The following ABAT variants were observed in gnomAD, a reference collection of about 807,000 sequenced individuals.
ABAT encodes the protein 4-aminobutyrate aminotransferase, mitochondrial.
A neutral mutation model predicts 64.6 loss-of-function variants in ABAT; 45 were observed. The observed-to-expected ratio is 0.70, with a 90% confidence interval of 0.55 to 0.89. The LOEUF (loss-of-function observed/expected upper bound fraction) is 0.89. Among genes scored for constraint, ABAT ranks in the 40% least tolerant of loss-of-function variants. The pLI is 0.00. For synonymous variants in ABAT, 297 were observed against 250.5 expected, an observed-to-expected ratio of 1.19 and a Z score of -1.75; for missense variants, 633 against 658.4, an observed-to-expected ratio of 0.96 and a Z score of 0.42.
chr16:8,774,938 AC>A lies in ABAT; in HGVS notation c.1004del (p.Thr335ArgfsTer18), dbSNP rs773324882. 1 of 1,614,154 alleles carries A rather than the reference AC, an allele frequency of 6.2e-7. No homozygotes were observed. The highest frequency in any genetic ancestry group is 8.5e-7 in the Non-Finnish European group (1 of 1,180,026). ...CGAGGTCCAGACCGGAGGAGGCTGC[AC>A]GGGCAAGTTCTGGGCCCATGAGCAC... ...VDEVQTGGGC[T>X]GKFWAHEHWG... On this transcript the variant is annotated frameshift_variant, in exon 13 of 16. Transcript: ENST00000268251. LOFTEE classifies it high-confidence loss of function.
intron 15 of ABAT, 111 bp downstream of exon 15, chr16:8,779,701 C>T: frequency 3.6e-6 from 3 of 833,784 alleles, no homozygotes; most frequent in Non-Finnish European, 4.0e-6. Context: ...GCAGGTGGTA[C>T]ACAGGTCTGA....
intron 1 of ABAT, among the ~76,000 whole-genome samples, chr16:8,722,424 C>T (rs532515111): frequency 1.3e-5 from 2 of 152,172 alleles, no homozygotes; most frequent in Non-Finnish European, 2.9e-5. Context: ...GGATTACAGG[C>T]ATGAGCCACC....
intron 1 of ABAT, among the ~76,000 whole-genome samples, chr16:8,708,688 A>T (rs1393135504): frequency 2.0e-5 from 3 of 152,252 alleles, no homozygotes; most frequent in African/African-American, 7.2e-5. Flanking sequence ...CATGTAATAA[A>T]TATTCAGCAT....
rs2059996604 is a variant in ABAT at position 8,768,060 on chromosome 16, T to C, written c.604-133T>C. The stretch of plus-strand genomic sequence containing the variant: ...TTGGATATAGACCCCATTGGTCCCA[T>C]GGGTAACTTTTGCCTGAGAAGGATT... On this transcript the variant is annotated intron_variant, in intron 9 of 15. Transcript: ENST00000268251. 4 of 908,962 alleles carry C rather than the reference T, an allele frequency of 4.4e-6. No homozygotes were observed. In the Admixed American group the frequency reaches 5.8e-5, roughly 13 times the overall value. 56.3% of individuals were successfully genotyped at this position (908,962 alleles called of 1,614,324 possible).
intron 1 of ABAT, among the ~76,000 whole-genome samples, chr16:8,687,239 G>T (rs1400582690): frequency 6.6e-6 from 1 of 152,294 alleles, no homozygotes; most frequent in Middle Eastern, 3.4e-3. Flanking sequence ...CCGCTCTTCC[G>T]GGTTCTTCAG....
Position 8,764,949 on chromosome 16 carries a change from G to C in ABAT, c.540+119G>C, listed in dbSNP as rs915334309. On this transcript the variant is annotated intron_variant, in intron 8 of 15. Transcript: ENST00000268251. The surrounding 1 kb of genome is among the most constrained non-coding windows in gnomAD (Gnocchi z 4.2). Reference sequence around the variant, plus strand: ...TGGAGTATTAGACATCAGTACCAGGGTTAAAATACAGGGAGGGCCACTGCT... The same window carrying C: ...TGGAGTATTAGACATCAGTACCAGGCTTAAAATACAGGGAGGGCCACTGCT... The C allele has an allele frequency of 1.0e-6, 1 of 960,462 alleles. No individual in the cohort carries two copies. The highest frequency in any genetic ancestry group is 1.6e-5 in the African/African-American group (1 of 61,968). The allele number at this position is 960,462 out of a possible 1,614,324, so 59.5% of individuals were successfully genotyped here. A position where few individuals can be genotyped will look rare whatever the true frequency, so the allele number is the denominator to read the frequency against.
chr16:8,678,532 C>T (rs2057257285), intron 1 of ABAT, among the ~76,000 whole-genome samples: 2 of 152,226 alleles, frequency 1.3e-5, no homozygotes, highest in African/African-American at 4.8e-5. Flanking sequence ...ATCAGAGAAA[C>T]ATCCATGCCA....
At chr16:8,721,277 T>C (rs1031772986) in intron 1 of ABAT, among the ~76,000 whole-genome samples, 1 of 152,186 alleles carries the variant, frequency 6.6e-6, no homozygotes. Context: ...TTTTTCTCCC[T>C]GTATCCATGG....
In ABAT at chr16:8,764,118, T is replaced by A; in HGVS notation, c.416T>A (p.Phe139Tyr). 6.2e-7 allele frequency: 1 copy of A among 1,613,400 alleles called. No individual in the cohort carries two copies. The highest frequency in any genetic ancestry group is 8.5e-7 in the Non-Finnish European group (1 of 1,179,958). ...CTCGGAATCCTGCCTCCGGAGAACT[T>A]TGTGGAGAAGCTCCGGCAGTCCTTG... is the stretch of plus-strand genomic sequence containing the variant. ...PALGILPPEN[F>Y]VEKLRQSLLS... The change falls in exon 7 of 16, where the codon TTT (phenylalanine) becomes TAT (tyrosine). Residue 139 changes from phenylalanine (F) to tyrosine (Y), a missense_variant. Coordinates refer to ENST00000268251, the MANE Select transcript of ABAT (RefSeq NM_020686.6). This position sits in a 1 kb window ranked among gnomAD's most constrained non-coding sequence, Gnocchi z 4.2.
intron 1 of ABAT, among the ~76,000 whole-genome samples, chr16:8,733,732 A>G (rs932883680): frequency 2.6e-5 from 4 of 151,696 alleles, no homozygotes; most frequent in African/African-American, 9.8e-5. Context: ...GAGGCAGGAG[A>G]ATCAGGCAGG....
At chr16:8,707,740 T>C (rs1485117673) in intron 1 of ABAT, among the ~76,000 whole-genome samples, 6 of 152,180 alleles carry the variant, frequency 3.9e-5, no homozygotes, top group African/African-American at 1.4e-4. Flanking sequence ...GGGAACTTTT[T>C]TTAAACTTTA....
chr16:8,734,833 G>A (rs1348357422), intron 1 of ABAT, among the ~76,000 whole-genome samples: 1 of 152,068 alleles, frequency 6.6e-6, no homozygotes, highest in Non-Finnish European at 1.5e-5. Flanking sequence ...ATGGTGTTCT[G>A]GGGAGAGGGA....
intron 2 of ABAT, among the ~76,000 whole-genome samples, chr16:8,741,938 G>A (rs901335753): frequency 1.3e-5 from 2 of 152,212 alleles, no homozygotes; most frequent in African/African-American, 4.8e-5. Flanking sequence ...AAAATAGATG[G>A]AAGTTTGCCT....
At position 8,696,200 on chromosome 16, in the gene ABAT, C is replaced by T. The variant is rs573150962; in HGVS notation, c.-42+21489C>T. Among the ~76,000 whole-genome samples, 4 of 152,316 alleles carry T rather than the reference C, an allele frequency of 2.6e-5. No homozygotes were observed. In the South Asian group the frequency reaches 8.3e-4, roughly 32 times the overall value. On this transcript the variant is annotated intron_variant, in intron 1 of 15. Transcript: ENST00000268251. ...TTACCTCTGTAATCCAAGGTTCCTA[C>T]TGTTGCACTCCATTCTGTCCAGGAC...
At chr16:8,768,287 G>A (rs1450699796) in intron 10 of ABAT, 31 bp downstream of exon 10, 4 of 1,609,346 alleles carry the variant, frequency 2.5e-6, no homozygotes, top group Non-Finnish European at 3.4e-6. Flanking sequence ...TCCCAAGGTG[G>A]CGTTTAGAAT....
intron 9 of ABAT, among the ~76,000 whole-genome samples, chr16:8,766,670 C>A (rs2059955767): frequency 6.8e-6 from 1 of 147,806 alleles, no homozygotes; most frequent in Admixed American, 6.8e-5. Flanking sequence ...AACAAAAAAA[C>A]AAAAACAAAA....
At position 8,735,152 on chromosome 16, in the gene ABAT, C is replaced by T. The variant is rs1263017633; in HGVS notation, c.-41-547C>T. On this transcript the variant is annotated intron_variant, in intron 1 of 15. Transcript: ENST00000268251. Reference sequence around the variant, plus strand: ...TCGAGCCACTGCACTCCAGCCTGAGCGATAGAATGAGACTCCATCTCAAAA... The same window carrying T: ...TCGAGCCACTGCACTCCAGCCTGAGTGATAGAATGAGACTCCATCTCAAAA... Among the ~76,000 whole-genome samples the T allele has an allele frequency of 2.8e-4, 37 of 131,378 alleles. No homozygotes were observed. The East Asian group carries it at 5.2e-3, about 18-fold the overall frequency. 86.2% of individuals were successfully genotyped at this position (131,378 alleles called of 152,430 possible).
At chr16:8,702,298 G>T (rs945519798) in intron 1 of ABAT, among the ~76,000 whole-genome samples, 1 of 151,928 alleles carries the variant, frequency 6.6e-6, no homozygotes, top group African/African-American at 2.4e-5. Context: ...TTTTGCCCAG[G>T]CTGGAGTGCA....
At chr16:8,768,506 G>A (rs1331846508) in intron 10 of ABAT, among the ~76,000 whole-genome samples, 2 of 152,120 alleles carry the variant, frequency 1.3e-5, no homozygotes, top group Admixed American at 6.6e-5. Context: ...CAAAGCCTGC[G>A]CTGCATCTGT....
Sources: gnomAD v4.1 joint callset for allele counts (sites outside exome capture counted in the v4.1 genomes callset) on GRCh38, gnomAD v4.1.1 for gene constraint, Gnocchi (gnomAD v3.1) non-coding constraint, MANE v1.5 for transcripts, NCBI Gene and HGNC (gene_info 2026-07-23, HGNC 2026-07-21) for gene names.